The following SORCS1 variants were observed in gnomAD, a reference collection of about 807,000 sequenced individuals.
SORCS1 encodes the protein sortilin related VPS10 domain containing receptor 1.
SORCS1 carries 60 observed loss-of-function variants against 146.1 expected under a neutral mutation model. That is an observed-to-expected ratio of 0.41 (90% CI 0.33 to 0.51). SORCS1 has a LOEUF of 0.51. SORCS1 is among the 20% of genes least tolerant of loss of function. The pLI, the probability that SORCS1 is intolerant of heterozygous loss-of-function variation, is 0.21. For synonymous variants in SORCS1, 637 were observed against 584.0 expected (o/e 1.09, Z -1.31); for missense variants, 1,352 against 1,487.6 (o/e 0.91, Z 1.50).
rs931919081 is a variant in SORCS1, at chr10:106,574,194, C to A, written c.*3226G>T. 4 of 152,464 alleles carry A rather than the reference C, an allele frequency of 2.6e-5. No individual in the cohort carries two copies. Among genetic ancestry groups the A allele is most frequent in the Admixed American group, 1.3e-4 (2 of 15,270 alleles). 9.4% of individuals were successfully genotyped at this position (152,464 alleles called of 1,614,324 possible). A position where few individuals can be genotyped will look rare whatever the true frequency, so the allele number is the denominator to read the frequency against. Reference sequence around the variant, plus strand: ...CTGTTTGGAACTTCTGAAAAAAAAGCAAAGCAAACCTCTGCATTTTGGACA... The same window carrying A: ...CTGTTTGGAACTTCTGAAAAAAAAGAAAAGCAAACCTCTGCATTTTGGACA... On this transcript the variant is annotated 3_prime_UTR_variant, in exon 26 of 26. Transcript: ENST00000263054.
chr10:106,786,156 G>C (rs1482653468), intron 3 of SORCS1, among the ~76,000 whole-genome samples: 1 of 152,172 alleles, frequency 6.6e-6, no homozygotes, highest in East Asian at 1.9e-4. Context: ...GAGAAAAGGA[G>C]TTCTATTCTA....
At position 106,915,491 on chromosome 10, in the gene SORCS1, A is replaced by G. The variant is rs141280627; in HGVS notation, c.626+41022T>C. Among the ~76,000 whole-genome samples, 870 of 152,064 alleles carry G rather than the reference A, an allele frequency of 5.7e-3. 17 individuals carry two copies. The highest frequency in any genetic ancestry group is 0.019 in the African/African-American group (806 of 41,470). On this transcript the variant is annotated intron_variant, in intron 2 of 25. Coordinates refer to ENST00000263054, the MANE Select transcript of SORCS1 (RefSeq NM_052918.5). ...CCCCTCCTCATCCCACTCCACTGCC[A>G]TCCTGCCAACCTCCCTCCTCCTCCT... is the stretch of plus-strand genomic sequence containing the variant.
intron 1 of SORCS1, among the ~76,000 whole-genome samples, chr10:107,057,439 T>C (rs1348856468): frequency 1.3e-5 from 2 of 152,024 alleles, no homozygotes; most frequent in Admixed American, 6.6e-5. Context: ...CTCTTGGGAG[T>C]CATATCCTCA....
intron 5 of SORCS1, among the ~76,000 whole-genome samples, chr10:106,744,107 A>T (rs530563822): frequency 6.6e-6 from 1 of 152,014 alleles, no homozygotes; most frequent in South Asian, 2.1e-4. Flanking sequence ...TTATTTATTT[A>T]TTTATTTATT....
intron 5 of SORCS1, among the ~76,000 whole-genome samples, chr10:106,754,490 T>C (rs1858489483): frequency 6.6e-6 from 1 of 152,230 alleles, no homozygotes; most frequent in Non-Finnish European, 1.5e-5. Flanking sequence ...ATCACATATC[T>C]TGAAAGAGTC....
intron 2 of SORCS1, among the ~76,000 whole-genome samples, chr10:106,896,641 T>C (rs1413563352): frequency 6.6e-6 from 1 of 151,756 alleles, no homozygotes; most frequent in African/African-American, 2.4e-5. Context: ...TGGTTAATTT[T>C]AGGTTATATG....
chr10:106,695,386 G>A (rs1284552523), intron 9 of SORCS1, among the ~76,000 whole-genome samples: 2 of 152,068 alleles, frequency 1.3e-5, no homozygotes, highest in African/African-American at 4.8e-5. Flanking sequence ...GCCCTTCTAC[G>A]TTCTTCAGTC....
At chr10:106,800,912 C>G (rs1402805404) in intron 3 of SORCS1, among the ~76,000 whole-genome samples, 1 of 152,228 alleles carries the variant, frequency 6.6e-6, no homozygotes, top group East Asian at 1.9e-4. Flanking sequence ...GGTGACCTTC[C>G]TCAGTCCTTC....
intron 1 of SORCS1, among the ~76,000 whole-genome samples, chr10:107,009,657 A>G (rs976179833): frequency 6.6e-6 from 1 of 152,222 alleles, no homozygotes; most frequent in Non-Finnish European, 1.5e-5. Context: ...AGTTGCTGGG[A>G]CAGGCACCAA....
intron 1 of SORCS1, among the ~76,000 whole-genome samples, chr10:107,137,617 C>T (rs1300202342): frequency 1.3e-5 from 2 of 152,184 alleles, no homozygotes; most frequent in Non-Finnish European, 2.9e-5. Context: ...AATCTCAACA[C>T]TTTGCGAGGT....
intron 24 of SORCS1, among the ~76,000 whole-genome samples, chr10:106,580,503 A>G (rs1255729588): frequency 1.3e-5 from 2 of 152,228 alleles, no homozygotes; most frequent in African/African-American, 4.8e-5. Flanking sequence ...TTGCAAATGT[A>G]GTGCAGCTCG....
intron 12 of SORCS1, 111 bp from the exon 13 acceptor site, chr10:106,677,515 T>C (rs1852124914): frequency 1.1e-6 from 1 of 920,616 alleles, no homozygotes. Context: ...TAAAAATAGG[T>C]TTCCCTAAAT....
At chr10:107,036,130 G>T (rs1037145330) in intron 1 of SORCS1, among the ~76,000 whole-genome samples, 2 of 151,784 alleles carry the variant, frequency 1.3e-5, no homozygotes, top group African/African-American at 4.8e-5. Flanking sequence ...GCTTGAAGGG[G>T]AAAATGTGAA....
intron 1 of SORCS1, among the ~76,000 whole-genome samples, chr10:107,038,405 G>C (rs59821976): frequency 2.9e-5 from 4 of 137,388 alleles, no homozygotes; most frequent in Admixed American, 7.3e-5. Context: ...GTGGGTGGGG[G>C]GGGAGAGACA....
rs138671510 is a variant in SORCS1 at position 106,879,328 on chromosome 10, C to T, written c.627-49655G>A. Among the ~76,000 whole-genome samples, 457 of 152,272 alleles carry T rather than the reference C, an allele frequency of 3.0e-3. 1 individual carries two copies. The highest frequency in any genetic ancestry group is 9.8e-3 in the African/African-American group (407 of 41,552). On this transcript the variant is annotated intron_variant, in intron 2 of 25. Coordinates refer to ENST00000263054, the MANE Select transcript of SORCS1 (RefSeq NM_052918.5). ...TACTTTTGGCAGTGTAATGTCTAAACACTCACATACTAAAATACATTTTTA... is the reference window on the plus strand; with the variant it reads ...TACTTTTGGCAGTGTAATGTCTAAATACTCACATACTAAAATACATTTTTA...
chr10:106,890,739 G>A (rs962318218), intron 2 of SORCS1, among the ~76,000 whole-genome samples: 6 of 152,028 alleles, frequency 3.9e-5, no homozygotes, highest in African/African-American at 7.2e-5. Context: ...CATTGGCCCT[G>A]TTTGTACCTC....
chr10:106,932,137 A>T lies in SORCS1; in HGVS notation c.626+24376T>A, dbSNP rs560589962. 4.6e-5 allele frequency among the ~76,000 whole-genome samples: 7 copies of T among 152,264 alleles called. No homozygotes were observed. In the East Asian group the frequency reaches 1.3e-3, roughly 29 times the overall value. ...TTGATCCCCCATTTACAAAGCACTG[A>T]TGTTATGTGAATTTTTATCCCCTTC... is the stretch of plus-strand genomic sequence containing the variant. On this transcript the variant is annotated intron_variant, in intron 2 of 25. Coordinates refer to ENST00000263054, the MANE Select transcript of SORCS1 (RefSeq NM_052918.5).
intron 19 of SORCS1, among the ~76,000 whole-genome samples, chr10:106,621,441 T>G (rs1392294640): frequency 6.6e-6 from 1 of 151,676 alleles, no homozygotes; most frequent in African/African-American, 2.4e-5. Flanking sequence ...TTACCTCCTC[T>G]TCTGCTTGCC....
intron 19 of SORCS1, among the ~76,000 whole-genome samples, chr10:106,624,346 A>ATT (rs57785797): frequency 1.4e-5 from 1 of 69,446 alleles, no homozygotes; most frequent in African/African-American, 6.4e-5. Context: ...GTCAATGACG[A>ATT]TTTTTTTTTT....
Sources: allele counts gnomAD v4.1 joint callset (sites outside exome capture counted in the v4.1 genomes callset), GRCh38; gene constraint gnomAD v4.1.1; transcripts MANE v1.5; gene names NCBI Gene and HGNC (gene_info 2026-07-23, HGNC 2026-07-21).